RGMB: variants seen among roughly 807,000 people sequenced by gnomAD.
RGMB encodes repulsive guidance molecule B.
A neutral mutation model predicts 26.9 loss-of-function variants in RGMB; 16 were observed. The observed-to-expected ratio is 0.60, with a 90% CI of 0.40 to 0.90. RGMB has a LOEUF of 0.90. Ranked by LOEUF, RGMB falls within the 40% of genes least tolerant of loss-of-function variation. The pLI is 0.00. For synonymous variants in RGMB, 225 were observed against 229.3 expected (o/e 0.98, Z 0.17); for missense variants, 512 against 573.3 (o/e 0.89, Z 1.09).
chr5:98,781,447 A>T (rs1325329953), intron 2 of RGMB, among the ~76,000 whole-genome samples: 1 of 152,224 alleles, frequency 6.6e-6, no homozygotes, highest in African/African-American at 2.4e-5. Context: ...TTTTATAAAT[A>T]TCTCAGAATA....
At chr5:98,792,998 A>G in intron 2 of RGMB, 87 bp from the exon 3 acceptor site, 3 of 1,107,286 alleles carry the variant, frequency 2.7e-6, no homozygotes, top group Non-Finnish European at 3.8e-6. Context: ...TTCAGCTTCA[A>G]AATGGCGGGG....
In RGMB at chr5:98,773,969, C is replaced by T. The variant is rs1250402225; in HGVS notation, c.-102C>T. On this transcript the variant is annotated 5_prime_UTR_variant, in exon 1 of 3. Coordinates refer to ENST00000513185, the MANE Select transcript of RGMB (RefSeq NM_001366508.1). Reference sequence around the variant, plus strand: ...GGCCTGAAGAAGGAAGAAGAGGAAGCGAAGCGCGCCCCCCGGCCCATGCCG... The same window carrying T: ...GGCCTGAAGAAGGAAGAAGAGGAAGTGAAGCGCGCCCCCCGGCCCATGCCG... The T allele has an allele frequency of 4.8e-6, 3 of 622,998 alleles. No homozygotes were observed. The highest frequency in any genetic ancestry group is 8.7e-6 in the Non-Finnish European group (3 of 345,364). 38.6% of individuals were successfully genotyped at this position (622,998 alleles called of 1,614,324 possible). A position where few individuals can be genotyped will look rare whatever the true frequency, so the allele number is the denominator to read the frequency against.
upstream of RGMB, chr5:98,770,519 C>T (rs1187438464): frequency 5.0e-6 from 3 of 604,918 alleles, no homozygotes; most frequent in East Asian, 1.0e-4. Flanking sequence ...GGGTGATGAG[C>T]CCCCCGCAAG....
chr5:98,789,727 A>T (rs568222707), intron 2 of RGMB, among the ~76,000 whole-genome samples: 85 of 152,316 alleles, frequency 5.6e-4, no homozygotes, highest in African/African-American at 2.0e-3. Context: ...GAGGTTTAAC[A>T]AAAGGCATTG....
rs184645764 is a variant in RGMB, at chr5:98,782,300, G to C, written c.645+2212G>C. Among the ~76,000 whole-genome samples the C allele has an allele frequency of 5.3e-4, 80 of 152,138 alleles. 1 individual carries two copies. Among genetic ancestry groups the C allele is most frequent in the Admixed American group, 4.5e-3 (69 of 15,278 alleles). ...AAGAAAGGCCTAAATCTTACAATAC[G>C]TTCCTTTTACCCAGCCAGGACCAAA... On this transcript the variant is annotated intron_variant, in intron 2 of 2. Transcript: ENST00000513185.
intron 2 of RGMB, among the ~76,000 whole-genome samples, chr5:98,785,137 AC>A (rs1281885804): frequency 3.3e-5 from 5 of 152,168 alleles, no homozygotes; most frequent in African/African-American, 1.2e-4. Flanking sequence ...TTTTGCAGTT[AC>A]ACCTCCCTGC....
chr5:98,780,356 C>A (rs1392453746), intron 2 of RGMB: 9 of 370,258 alleles, frequency 2.4e-5, no homozygotes, highest in South Asian at 6.4e-5. Flanking sequence ...AAAGGCAGAC[C>A]TGTTTAGTAA....
chr5:98,780,539 G>A (rs535816300), intron 2 of RGMB: 71 of 155,498 alleles, frequency 4.6e-4, no homozygotes, highest in Non-Finnish European at 6.4e-4. Context: ...AGATTTGGAA[G>A]CTATAGTAAA....
chr5:98,790,433 T>A (rs1407767939), intron 2 of RGMB, among the ~76,000 whole-genome samples: 1 of 152,194 alleles, frequency 6.6e-6, no homozygotes, highest in Non-Finnish European at 1.5e-5. Flanking sequence ...ACTAGGATAT[T>A]TTGTAGGTGT....
At chr5:98,780,668 G>C (rs374718756) in intron 2 of RGMB, 3 of 152,426 alleles carry the variant, frequency 2.0e-5, no homozygotes, top group East Asian at 3.9e-4. Context: ...TATGTAACCT[G>C]TGTGTAATCT....
In RGMB at chr5:98,794,965, CTTG is replaced by C. The variant is rs1427598997; in HGVS notation, c.*1215_*1217del. 1.3e-5 allele frequency: 2 copies of C among 152,232 alleles called. No individual in the cohort carries two copies. The highest frequency in any genetic ancestry group is 2.9e-5 in the Non-Finnish European group (2 of 68,054). 9.4% of individuals were successfully genotyped at this position (152,232 alleles called of 1,614,324 possible). ...TTCGGCACTGCTTAATCCAGATATT[CTTG>C]TTAACTAAGCATTGTGCTTCCCAGG... On this transcript the variant is annotated 3_prime_UTR_variant, in exon 3 of 3. Transcript: ENST00000513185.
At chr5:98,774,467 C>T (rs545577668) in intron 1 of RGMB, among the ~76,000 whole-genome samples, 2 of 152,334 alleles carry the variant, frequency 1.3e-5, no homozygotes, top group East Asian at 3.9e-4. Context: ...ATCTCCCCTC[C>T]GACAGCCGCT....
At chr5:98,790,483 G>T (rs1354520323) in intron 2 of RGMB, among the ~76,000 whole-genome samples, 2 of 152,186 alleles carry the variant, frequency 1.3e-5, no homozygotes, top group East Asian at 1.9e-4. Context: ...CTTCTAGATA[G>T]GTAGGAGTTA....
chr5:98,781,752 C>T (rs1452669932), intron 2 of RGMB, among the ~76,000 whole-genome samples: 1 of 152,164 alleles, frequency 6.6e-6, no homozygotes, highest in African/African-American at 2.4e-5. Flanking sequence ...TTCTTCATGC[C>T]TTCCATCCGG....
rs1228680433 is a variant in RGMB at position 98,779,559 on chromosome 5, GTCTTATCT to G, written c.137-16_137-9del. ...GTTATGAAGAGTTTACAAATGTTTG[GTCTTATCT>G]TCTTTCCCATAGGTGACTGCCAACA... On this transcript the variant is annotated splice_polypyrimidine_tract_variant and intron_variant, in intron 1 of 2. Coordinates refer to ENST00000513185, the MANE Select transcript of RGMB (RefSeq NM_001366508.1). The G allele has an allele frequency of 3.3e-6, 5 of 1,503,896 alleles. No individual in the cohort carries two copies. In the Admixed American group the frequency reaches 6.9e-5, roughly 21 times the overall value. 93.2% of individuals were successfully genotyped at this position (1,503,896 alleles called of 1,614,324 possible).
In RGMB at chr5:98,795,668, G is replaced by A. The variant is rs1216073171; in HGVS notation, c.*1915G>A. On this transcript the variant is annotated 3_prime_UTR_variant, in exon 3 of 3. Coordinates refer to ENST00000513185, the MANE Select transcript of RGMB (RefSeq NM_001366508.1). ...TAGAGACGGACTGACCATCAGCTCT[G>A]AACTGTGGCTTTTTTTGTTCACCTA... The A allele has an allele frequency of 2.0e-5, 3 of 152,174 alleles. No homozygotes were observed. The highest frequency in any genetic ancestry group is 4.4e-5 in the Non-Finnish European group (3 of 68,028). 9.4% of individuals were successfully genotyped at this position (152,174 alleles called of 1,614,324 possible). A position where few individuals can be genotyped will look rare whatever the true frequency, so the allele number is the denominator to read the frequency against.
intron 2 of RGMB, among the ~76,000 whole-genome samples, chr5:98,785,032 CTT>C (rs1018135079): frequency 3.3e-5 from 5 of 152,156 alleles, no homozygotes; most frequent in African/African-American, 1.2e-4. Context: ...CTTGGCATCT[CTT>C]TGAGATTTGC....
At chr5:98,792,777 A>C in intron 2 of RGMB, 1 of 195,764 alleles carries the variant, frequency 5.1e-6, no homozygotes, top group Admixed American at 5.5e-5. Flanking sequence ...CACTTAAAAA[A>C]AAAAAAAAAA....
chr5:98,781,073 G>A (rs1196915247), intron 2 of RGMB: 2 of 152,162 alleles, frequency 1.3e-5, no homozygotes, highest in African/African-American at 2.4e-5. Context: ...TAATTGACAA[G>A]ACTCAAGCTT....
Sources: allele counts gnomAD v4.1 joint callset (sites outside exome capture counted in the v4.1 genomes callset), GRCh38; gene constraint gnomAD v4.1.1; transcripts MANE v1.5; gene names NCBI Gene and HGNC (gene_info 2026-07-23, HGNC 2026-07-21).